The following PACRG variants were observed in gnomAD, a reference collection of about 807,000 sequenced individuals.
PACRG encodes the protein parkin coregulated, also known as parkin coregulated gene protein.
A neutral mutation model predicts 29.7 loss-of-function variants in PACRG; 29 were observed. The ratio of observed to expected loss-of-function variants is 0.98; its 90% CI spans 0.73 to 1.33. The LOEUF (loss-of-function observed/expected upper bound fraction) is 1.33, where lower values mean the gene tolerates loss of function less well. PACRG is among the 40% of genes most tolerant of loss of function. PACRG has a pLI of 0.00. For missense variants in PACRG, 279 were observed against 316.2 expected (o/e 0.88, Z 0.89); for synonymous variants, 116 against 118.7 (o/e 0.98, Z 0.15).
chr6:163,181,235 G>A (rs560361712), intron 4 of PACRG, among the ~76,000 whole-genome samples: 2 of 152,130 alleles, frequency 1.3e-5, no homozygotes, highest in African/African-American at 2.4e-5. Context: ...CCCATACCTC[G>A]GGCTATCTTG....
At chr6:163,211,331 A>C (rs1175182852) in intron 4 of PACRG, among the ~76,000 whole-genome samples, 2 of 152,194 alleles carry the variant, frequency 1.3e-5, no homozygotes, top group Non-Finnish European at 2.9e-5. Flanking sequence ...CATAATATTT[A>C]CCATATGGTA....
intron 4 of PACRG, among the ~76,000 whole-genome samples, chr6:163,216,407 C>T (rs979425252): frequency 6.6e-6 from 1 of 152,056 alleles, no homozygotes; most frequent in African/African-American, 2.4e-5. Context: ...ATGAAACCAT[C>T]GATTCACAGG....
intron 1 of PACRG, among the ~76,000 whole-genome samples, chr6:162,761,114 G>T (rs371846487): frequency 6.6e-6 from 1 of 152,016 alleles, no homozygotes; most frequent in African/African-American, 2.4e-5. Flanking sequence ...GCCCCAGCCC[G>T]CCTCGTGTGA....
chr6:162,764,813 G>A (rs529954287), intron 1 of PACRG, among the ~76,000 whole-genome samples: 10 of 150,602 alleles, frequency 6.6e-5, no homozygotes, highest in South Asian at 2.1e-4. Flanking sequence ...GCATGATCTC[G>A]GCTCAGTGCA....
At chr6:163,106,658 G>A (rs1456458124) in intron 4 of PACRG, among the ~76,000 whole-genome samples, 1 of 152,172 alleles carries the variant, frequency 6.6e-6, no homozygotes. Flanking sequence ...AGTTAATAGA[G>A]TATGCGTAGA....
chr6:162,978,906 G>A (rs1202032030), intron 2 of PACRG, among the ~76,000 whole-genome samples: 1 of 152,100 alleles, frequency 6.6e-6, no homozygotes, highest in Non-Finnish European at 1.5e-5. Flanking sequence ...AGAAGAATTG[G>A]ATGAAACACT....
At chr6:162,895,998 A>T (rs748018337) in intron 2 of PACRG, among the ~76,000 whole-genome samples, 11 of 152,206 alleles carry the variant, frequency 7.2e-5, no homozygotes, top group Non-Finnish European at 1.3e-4. Context: ...CACAGATTCT[A>T]CAGAGTGTAT....
intron 1 of PACRG, among the ~76,000 whole-genome samples, chr6:162,740,064 C>G (rs1780459525): frequency 6.6e-6 from 1 of 152,014 alleles, no homozygotes; most frequent in African/African-American, 2.4e-5. Context: ...TAACTGAGTA[C>G]TCTGTATTAT....
intron 3 of PACRG, among the ~76,000 whole-genome samples, chr6:163,082,308 A>G (rs1053765390): frequency 4.6e-5 from 7 of 152,162 alleles, no homozygotes; most frequent in African/African-American, 1.7e-4. Context: ...TAAAGATGGC[A>G]ATTGTCTGCC....
intron 2 of PACRG, among the ~76,000 whole-genome samples, chr6:162,880,007 G>T (rs774813190): frequency 1.1e-4 from 16 of 152,190 alleles, no homozygotes; most frequent in Non-Finnish European, 2.2e-4. Flanking sequence ...TTTTACTTCT[G>T]TGTCGAGGTC....
chr6:163,278,136 A>G (rs536720869), intron 4 of PACRG, among the ~76,000 whole-genome samples: 1 of 151,978 alleles, frequency 6.6e-6, no homozygotes, highest in Non-Finnish European at 1.5e-5. Context: ...ATATATCTTC[A>G]TTTGAGAATT....
chr6:162,886,699 T>C (rs1794361648), intron 2 of PACRG, among the ~76,000 whole-genome samples: 1 of 152,226 alleles, frequency 6.6e-6, no homozygotes, highest in East Asian at 1.9e-4. Flanking sequence ...AAATTGATTT[T>C]GAGGTCTTAT....
intron 2 of PACRG, among the ~76,000 whole-genome samples, chr6:162,981,290 C>CATATATATATATAT (rs150972042): frequency 2.2e-4 from 30 of 139,498 alleles, no homozygotes; most frequent in African/African-American, 8.4e-4. Context: ...ATGTATAAAA[C>CATATATATATATAT]ATATATATAT....
chr6:162,902,111 C>T (rs1269783069), intron 2 of PACRG, among the ~76,000 whole-genome samples: 5 of 152,188 alleles, frequency 3.3e-5, no homozygotes, highest in East Asian at 1.9e-4. Context: ...TGGTTTCACA[C>T]GTTGCATGCT....
chr6:163,192,686 C>A (rs1005907475), intron 4 of PACRG, among the ~76,000 whole-genome samples: 1 of 152,110 alleles, frequency 6.6e-6, no homozygotes, highest in African/African-American at 2.4e-5. Flanking sequence ...AGCTAGAGTT[C>A]TCTGACATGG....
chr6:163,270,613 G>A (rs531141717), intron 4 of PACRG, among the ~76,000 whole-genome samples: 1 of 152,032 alleles, frequency 6.6e-6, no homozygotes, highest in South Asian at 2.1e-4. Flanking sequence ...GGCTCAAGCA[G>A]TCCTCCCTCC....
chr6:163,253,297 C>CA (rs576001593), intron 4 of PACRG, among the ~76,000 whole-genome samples: 726 of 49,214 alleles, frequency 0.015, 9 homozygotes, highest in East Asian at 0.051. Flanking sequence ...GAGACTGTCT[C>CA]AAAAAAAAAA....
chr6:162,865,348 T>C (rs2128446523), intron 2 of PACRG, among the ~76,000 whole-genome samples: 1 of 152,330 alleles, frequency 6.6e-6, no homozygotes, highest in South Asian at 2.1e-4. Flanking sequence ...CTGACTATGA[T>C]AGTCTTGCTG....
At chr6:162,908,529 G>A (rs1317478957) in intron 2 of PACRG, among the ~76,000 whole-genome samples, 1 of 152,150 alleles carries the variant, frequency 6.6e-6, no homozygotes, top group Non-Finnish European at 1.5e-5. Context: ...ACATGATATG[G>A]CCCTGCAGCT....
Sources: gnomAD v4.1 joint callset for allele counts (sites outside exome capture counted in the v4.1 genomes callset) on GRCh38, gnomAD v4.1.1 for gene constraint, MANE v1.5 for transcripts, NCBI Gene and HGNC (gene_info 2026-07-23, HGNC 2026-07-21) for gene names.